Variants in THEMIS observed in about 807,000 individuals in gnomAD.
THEMIS encodes the protein thymocyte selection associated.
THEMIS carries 37 observed loss-of-function variants against 52.6 expected under a neutral mutation model. The ratio of observed to expected loss-of-function variants is 0.70; its 90% CI spans 0.54 to 0.93. The LOEUF is 0.93. Ranked by LOEUF, THEMIS falls within the 40% of genes least tolerant of loss-of-function variation. The pLI is 0.00. For synonymous variants in THEMIS, 292 were observed against 272.7 expected (o/e 1.07, Z -0.70); for missense variants, 808 against 763.1 (o/e 1.06, Z -0.69).
chr6:127,917,367 T>C (rs1781548855), intron 1 of THEMIS, among the ~76,000 whole-genome samples: 1 of 152,132 alleles, frequency 6.6e-6, no homozygotes. Context: ...AAATCAACAA[T>C]AATTAAAGAA....
At chr6:127,834,309 G>A (rs952445625) in intron 2 of THEMIS, among the ~76,000 whole-genome samples, 2 of 151,348 alleles carry the variant, frequency 1.3e-5, no homozygotes, top group African/African-American at 4.9e-5. Context: ...GGTGAGTCAC[G>A]CCTGTAATCC....
chr6:127,699,571 A>G, the THEMIS span, among the ~76,000 whole-genome samples: 9 of 151,408 alleles, frequency 5.9e-5, no homozygotes, highest in Non-Finnish European at 1.2e-4. Flanking sequence ...TACAAGAACT[A>G]GTCCACATGT....
At chr6:127,835,177 A>G (rs1393809178) in intron 2 of THEMIS, among the ~76,000 whole-genome samples, 1 of 152,160 alleles carries the variant, frequency 6.6e-6, no homozygotes, top group African/African-American at 2.4e-5. Flanking sequence ...AAGCATTGTT[A>G]AGAGGATCTT....
intron 4 of THEMIS, among the ~76,000 whole-genome samples, chr6:127,764,416 G>T (rs572503555): frequency 4.6e-5 from 7 of 151,930 alleles, no homozygotes; most frequent in African/African-American, 1.7e-4. Context: ...GTTAGGAAAT[G>T]CATGTCTGCA....
At chr6:127,840,439 T>C (rs560955654) in intron 2 of THEMIS, among the ~76,000 whole-genome samples, 1 of 152,228 alleles carries the variant, frequency 6.6e-6, no homozygotes, top group Admixed American at 6.6e-5. Flanking sequence ...ATGTGTACAA[T>C]GTACTGGAAA....
At chr6:127,713,637 G>A (rs1774059807) in intron 5 of THEMIS, among the ~76,000 whole-genome samples, 1 of 151,826 alleles carries the variant, frequency 6.6e-6, no homozygotes, top group African/African-American at 2.4e-5. Context: ...TAACTAAGAA[G>A]GTAACCATTG....
intron 1 of THEMIS, among the ~76,000 whole-genome samples, chr6:127,891,439 GAC>G (rs1780802424): frequency 6.7e-6 from 1 of 149,194 alleles, no homozygotes; most frequent in Admixed American, 6.8e-5. Context: ...GTGAGACTGA[GAC>G]AGGAAAATCG....
intron 4 of THEMIS, among the ~76,000 whole-genome samples, chr6:127,797,084 G>A (rs1164724862): frequency 6.6e-6 from 1 of 152,210 alleles, no homozygotes; most frequent in African/African-American, 2.4e-5. Context: ...CAGAAGAGAA[G>A]CAAGTATGTT....
At chr6:127,894,698 A>G (rs1364100007) in intron 1 of THEMIS, among the ~76,000 whole-genome samples, 1 of 151,712 alleles carries the variant, frequency 6.6e-6, no homozygotes, top group Non-Finnish European at 1.5e-5. Flanking sequence ...ACCAAATTCT[A>G]GCTTCTTTTC....
rs184495432 is a variant in THEMIS, at chr6:127,885,829, G to A, written c.91+15013C>T. On this transcript the variant is annotated intron_variant, in intron 1 of 5. Coordinates refer to ENST00000368248, the MANE Select transcript of THEMIS (RefSeq NM_001010923.3). ...TATGCTTTGACTTTTACAAATGTGT[G>A]TGTGGCTTCATCAACATTTTTCTTT... is the stretch of plus-strand genomic sequence containing the variant. Among the ~76,000 whole-genome samples the A allele has an allele frequency of 3.4e-3, 524 of 152,240 alleles. 1 individual carries two copies. The highest frequency in any genetic ancestry group is 0.012 in the African/African-American group (499 of 41,558).
At chr6:127,756,497 C>A (rs1428568692) in intron 4 of THEMIS, among the ~76,000 whole-genome samples, 1 of 152,082 alleles carries the variant, frequency 6.6e-6, no homozygotes, top group Non-Finnish European at 1.5e-5. Context: ...ATTACAGAAA[C>A]CATTTTGGTA....
chr6:127,807,229 G>A (rs9767314), intron 4 of THEMIS: 2 of 188,034 alleles, frequency 1.1e-5, no homozygotes, highest in African/African-American at 2.4e-5. Flanking sequence ...GACGTGGTGG[G>A]GGGTGCCTGT....
chr6:127,865,871 C>T (rs1330342552), intron 1 of THEMIS, among the ~76,000 whole-genome samples: 1 of 152,016 alleles, frequency 6.6e-6, no homozygotes, highest in East Asian at 1.9e-4. Context: ...AGTTAAAAAT[C>T]ATTTGCACAT....
chr6:127,843,487 G>A (rs1204099355), intron 2 of THEMIS, among the ~76,000 whole-genome samples: 1 of 151,950 alleles, frequency 6.6e-6, no homozygotes, highest in African/African-American at 2.4e-5. Flanking sequence ...AGCATGAAAA[G>A]ATGTAAAATA....
intron 4 of THEMIS, among the ~76,000 whole-genome samples, chr6:127,793,499 AAGAGAAAG>A (rs1777224163): frequency 6.6e-6 from 1 of 152,160 alleles, no homozygotes; most frequent in Non-Finnish European, 1.5e-5. Flanking sequence ...CAGGATTAAG[AAGAGAAAG>A]CAGGCCCCAT....
intron 1 of THEMIS, among the ~76,000 whole-genome samples, chr6:127,883,275 G>A (rs1353367127): frequency 6.6e-6 from 1 of 151,786 alleles, no homozygotes. Context: ...CAATAATAAA[G>A]TTTACTGTAA....
At chr6:127,837,129 C>T (rs889387797) in intron 2 of THEMIS, among the ~76,000 whole-genome samples, 1 of 152,020 alleles carries the variant, frequency 6.6e-6, no homozygotes, top group Admixed American at 6.6e-5. Context: ...CTGGATATGG[C>T]CGTCCCTGAC....
intron 4 of THEMIS, among the ~76,000 whole-genome samples, chr6:127,811,725 C>G (rs572941502): frequency 2.0e-5 from 3 of 152,232 alleles, no homozygotes; most frequent in East Asian, 3.9e-4. Context: ...CTATTCAGTT[C>G]AGTAATAAAA....
At chr6:127,914,315 A>G (rs987075140) in intron 1 of THEMIS, among the ~76,000 whole-genome samples, 1 of 152,114 alleles carries the variant, frequency 6.6e-6, no homozygotes, top group Non-Finnish European at 1.5e-5. Flanking sequence ...GTCTGTGAAG[A>G]TACTAAGAAA....
Sources: allele counts gnomAD v4.1 joint callset (sites outside exome capture counted in the v4.1 genomes callset), GRCh38; gene constraint gnomAD v4.1.1; transcripts MANE v1.5; gene names NCBI Gene and HGNC (gene_info 2026-07-23, HGNC 2026-07-21).